BAHCC1: variants seen among roughly 807,000 people sequenced by gnomAD.
BAHCC1 encodes BAH and coiled-coil domain-containing protein 1.
In BAHCC1, 43 loss-of-function variants were observed where a neutral mutation model predicts 88.2. The ratio of observed to expected loss-of-function variants is 0.49; its 90% CI spans 0.38 to 0.63. The LOEUF is 0.63. Ranked by LOEUF, BAHCC1 falls within the 20% of genes least tolerant of loss-of-function variation. BAHCC1 has a pLI of 0.00. For synonymous variants in BAHCC1, 1,510 were observed against 745.5 expected (o/e 2.03, Z -16.71); for missense variants, 3,023 against 1,654.8 (o/e 1.83, Z -14.34).
chr17:81,444,333 G>A (rs782621292), intron 6 of BAHCC1, 48 bp from the exon 7 acceptor site: 4 of 706,390 alleles, frequency 5.7e-6, no homozygotes, highest in Non-Finnish European at 1.0e-5. Flanking sequence ...GTGGGATGGG[G>A]AGCTGGGCCT....
At chr17:81,426,571 C>G (rs2064202813) in intron 2 of BAHCC1, among the ~76,000 whole-genome samples, 1 of 151,772 alleles carries the variant, frequency 6.6e-6, no homozygotes, top group South Asian at 2.1e-4. Flanking sequence ...AGTGTCAGTA[C>G]CAGGACACCT....
Position 81,442,243 on chromosome 17 carries a change from G to A in BAHCC1, c.894G>A (p.Ala298=), listed in dbSNP as rs1351999669. ...KVLNGEMGRA[A]LASCAGGMLG... ...TCAACGGCGAGATGGGCAGGGCTGC[G>A]CTAGCCAGCTGTGCAGGGGGCATGC... is the stretch of plus-strand genomic sequence containing the variant. The change falls in exon 5 of 28, where the codon GCG becomes GCA. Residue 298 remains alanine (A), a synonymous_variant. Coordinates refer to ENST00000675386, the MANE Select transcript of BAHCC1 (RefSeq NM_001377448.1). The A allele has an allele frequency of 1.6e-6, 1 of 631,548 alleles. No individual in the cohort carries two copies. The highest frequency in any genetic ancestry group is 2.8e-5 in the Admixed American group (1 of 35,556). 39.1% of individuals were successfully genotyped at this position (631,548 alleles called of 1,614,324 possible).
At chr17:81,463,550 G>C (rs1555660049) in intron 27 of BAHCC1, 61 bp from the exon 28 acceptor site, 1 of 768,938 alleles carries the variant, frequency 1.3e-6, no homozygotes, top group African/African-American at 1.7e-5. Context: ...GGTCTTTCCT[G>C]GCTGGGCAGG....
At position 81,411,514 on chromosome 17, in the gene BAHCC1, G is replaced by GCCTT. The variant is rs781952131; in HGVS notation, c.178+11654_178+11657dup. The stretch of plus-strand genomic sequence containing the variant: ...TGCCTGCCTGCCTGCCTGCCTGCCT[G>GCCTT]CCTTCCTTCCTTCCTTCCTTCCTTC... On this transcript the variant is annotated intron_variant, in intron 2 of 27. Coordinates refer to ENST00000675386, the MANE Select transcript of BAHCC1 (RefSeq NM_001377448.1). The surrounding 1 kb of genome is among the most constrained non-coding windows in gnomAD (Gnocchi z 6.2). 4,493 of 184,594 alleles carry GCCTT rather than the reference G, an allele frequency of 0.024. 61 individuals carry two copies. The highest frequency in any genetic ancestry group is 0.031 in the Non-Finnish European group (2,819 of 91,952). 11.4% of individuals were successfully genotyped at this position (184,594 alleles called of 1,614,324 possible).
intron 27 of BAHCC1, among the ~76,000 whole-genome samples, chr17:81,463,280 G>A (rs1352767078): frequency 6.6e-6 from 1 of 152,204 alleles, no homozygotes; most frequent in Non-Finnish European, 1.5e-5. Context: ...TCCAGTGCCA[G>A]CCTGAGACAG....
chr17:81,412,943 AGAGT>A (rs2063972776), intron 2 of BAHCC1, among the ~76,000 whole-genome samples: 1 of 151,404 alleles, frequency 6.6e-6, no homozygotes. Flanking sequence ...CTGGAAGGAG[AGAGT>A]GAGAGAGCGC....
In BAHCC1 at chr17:81,461,096, G is replaced by C. The variant is rs1555659131; in HGVS notation, c.6433G>C (p.Ala2145Pro). ...REALFPVHSV[A>P]TPIFGNGFRA... Reference sequence around the variant, plus strand: ...GGCCCTGTTCCCCGTGCACAGCGTGGCCACACCCATATTTGGCAACGGCTT... The same window carrying C: ...GGCCCTGTTCCCCGTGCACAGCGTGCCCACACCCATATTTGGCAACGGCTT... Residue 2145 changes from alanine to proline, a missense_variant, in exon 26 of 28, where the codon GCC becomes CCC. Ala to Pro is a conservative substitution (Grantham distance 27). Coordinates refer to ENST00000675386, the MANE Select transcript of BAHCC1 (RefSeq NM_001377448.1). 2 of 767,944 alleles carry C rather than the reference G, an allele frequency of 2.6e-6. No individual in the cohort carries two copies. Among genetic ancestry groups the C allele is most frequent in the Non-Finnish European group, 4.8e-6 (2 of 416,932 alleles). The allele number at this position is 767,944 out of a possible 1,614,324, so 47.6% of individuals were successfully genotyped here.
intron 2 of BAHCC1, chr17:81,413,294 C>T (rs1295161990): frequency 2.7e-5 from 6 of 220,906 alleles, no homozygotes; most frequent in Non-Finnish European, 5.7e-5. Flanking sequence ...ATGCCCTCGG[C>T]CTCCTTCCCT....
rs1362897325 is a variant in BAHCC1 at position 81,399,273 on chromosome 17, A to G, written c.-206-261A>G. ...GGGACGAGAACGGGAGGCGGCGAGC[A>G]GTGCGGCTGGGTTCCCCCGGCTGCC... On this transcript the variant is annotated intron_variant, in intron 1 of 27. Transcript: ENST00000675386. The surrounding 1 kb of genome is among the most constrained non-coding windows in gnomAD (Gnocchi z 4.5). 5.4e-6 allele frequency: 2 copies of G among 368,434 alleles called. No individual in the cohort carries two copies. Among genetic ancestry groups the G allele is most frequent in the Non-Finnish European group, 1.1e-5 (2 of 181,730 alleles). 22.8% of individuals were successfully genotyped at this position (368,434 alleles called of 1,614,324 possible). A position where few individuals can be genotyped will look rare whatever the true frequency, so the allele number is the denominator to read the frequency against.
rs1555653822 is a variant in BAHCC1, at chr17:81,444,691, C to G, written c.2536C>G (p.Gln846Glu). 1 of 775,440 alleles carries G rather than the reference C, an allele frequency of 1.3e-6. No individual in the cohort carries two copies. The highest frequency in any genetic ancestry group is 2.4e-6 in the Non-Finnish European group (1 of 417,620). 48.0% of individuals were successfully genotyped at this position (775,440 alleles called of 1,614,324 possible). A position where few individuals can be genotyped will look rare whatever the true frequency, so the allele number is the denominator to read the frequency against. Residue 846 changes from glutamine to glutamate, a missense_variant, in exon 8 of 28, where the codon CAG becomes GAG. Gln to Glu is a conservative substitution (Grantham distance 29, BLOSUM62 2). Coordinates refer to ENST00000675386, the MANE Select transcript of BAHCC1 (RefSeq NM_001377448.1). The part of the protein sequence containing the change: ...SYGLGHPALH[Q>E]NLPPGFPASV... ...AGGCCTGGGGCACCCTGCCCTGCAC[C>G]AGAACCTGCCCCCCGGCTTCCCCGC...
At position 81,443,480 on chromosome 17, in the gene BAHCC1, C is replaced by A; in HGVS notation, c.2131C>A (p.Arg711=). The part of the protein sequence containing the change: ...PPVGIAVALA[R]QKDTVSRSEA... Reference sequence around the variant, plus strand: ...TGTGGGCATTGCAGTGGCCTTGGCCCGGCAGAAGGACACAGTGAGCCGGTC... The same window carrying A: ...TGTGGGCATTGCAGTGGCCTTGGCCAGGCAGAAGGACACAGTGAGCCGGTC... Residue 711 remains arginine, a synonymous_variant, in exon 5 of 28, where the codon CGG becomes AGG. Coordinates refer to ENST00000675386, the MANE Select transcript of BAHCC1 (RefSeq NM_001377448.1). 2 of 719,738 alleles carry A rather than the reference C, an allele frequency of 2.8e-6. No homozygotes were observed. Among genetic ancestry groups the A allele is most frequent in the East Asian group, 2.6e-5 (1 of 37,826 alleles). The allele number at this position is 719,738 out of a possible 1,614,324, so 44.6% of individuals were successfully genotyped here. A position where few individuals can be genotyped will look rare whatever the true frequency, so the allele number is the denominator to read the frequency against.
Position 81,452,757 on chromosome 17 carries a change from G to C in BAHCC1, c.4351G>C (p.Gly1451Arg), listed in dbSNP as rs1363026963. Reference protein sequence around the residue: ...DESSRSPARRGPGRPRKRKHS... With the variant: ...DESSRSPARRRPGRPRKRKHS... ...GAGTTCACGGAGCCCTGCACGGCGG[G>C]GGCCTGGCCGGCCGAGGAAGCGCAA... The change falls in exon 14 of 28, where the codon GGG (glycine) becomes CGG (arginine). Residue 1451 changes from glycine (G) to arginine (R), a missense_variant. Coordinates refer to ENST00000675386, the MANE Select transcript of BAHCC1 (RefSeq NM_001377448.1). 4.0e-6 allele frequency: 3 copies of C among 747,280 alleles called. No homozygotes were observed. The highest frequency in any genetic ancestry group is 7.4e-6 in the Non-Finnish European group (3 of 405,584). The allele number at this position is 747,280 out of a possible 1,614,324, so 46.3% of individuals were successfully genotyped here. A position where few individuals can be genotyped will look rare whatever the true frequency, so the allele number is the denominator to read the frequency against.
chr17:81,427,879 G>T (rs962193491), intron 3 of BAHCC1, among the ~76,000 whole-genome samples: 3 of 152,142 alleles, frequency 2.0e-5, no homozygotes, highest in African/African-American at 4.8e-5. Flanking sequence ...CACACACCAC[G>T]CCACCGCCCC....
chr17:81,435,258 G>A lies in BAHCC1; in HGVS notation c.359-3112G>A, dbSNP rs920109603. Among the ~76,000 whole-genome samples the A allele has an allele frequency of 3.3e-5, 5 of 152,138 alleles. No homozygotes were observed. Among genetic ancestry groups the A allele is most frequent in the South Asian group, 2.1e-4 (1 of 4,836 alleles). ...CCATTGTGTCCCCCGCCCAGCCCAC[G>A]CGTGGCCCCCTGGCTTTACTAACCC... On this transcript the variant is annotated intron_variant, in intron 3 of 27. Transcript: ENST00000675386. The surrounding 1 kb of genome is among the most constrained non-coding windows in gnomAD (Gnocchi z 4.4).
At chr17:81,400,977 G>A (rs1454762807) in intron 2 of BAHCC1, 1 of 152,454 alleles carries the variant, frequency 6.6e-6, no homozygotes, top group East Asian at 1.9e-4. Flanking sequence ...TTTGTTTACA[G>A]TTTGTTCTAA....
At chr17:81,416,325 T>A (rs2064024106) in intron 2 of BAHCC1, among the ~76,000 whole-genome samples, 2 of 144,510 alleles carry the variant, frequency 1.4e-5, no homozygotes, top group South Asian at 2.3e-4. Flanking sequence ...TGCGTGTGTG[T>A]CCATGAGGAT....
At position 81,438,793 on chromosome 17, in the gene BAHCC1, G is replaced by A. The variant is rs192382972; in HGVS notation, c.481+301G>A. Among the ~76,000 whole-genome samples the A allele has an allele frequency of 2.4e-3, 359 of 152,266 alleles. 4 individuals carry two copies. Among genetic ancestry groups the A allele is most frequent in the African/African-American group, 7.8e-3 (323 of 41,566 alleles). ...CTTCCTCATCACCCTAGCCCCACCG[G>A]CTTCCTCAGGACCTGGCCTTGCCCT... On this transcript the variant is annotated intron_variant, in intron 4 of 27. Coordinates refer to ENST00000675386, the MANE Select transcript of BAHCC1 (RefSeq NM_001377448.1).
intron 1 of BAHCC1, chr17:81,396,457 C>T (rs113458760): frequency 2.0e-5 from 3 of 151,820 alleles, no homozygotes; most frequent in Non-Finnish European, 4.4e-5. Context: ...GACCCCAGTT[C>T]TCATGACTCT....
intron 26 of BAHCC1, 42 bp from the exon 27 acceptor site, chr17:81,462,697 GC>G (rs781832373): frequency 7.0e-6 from 5 of 717,140 alleles, no homozygotes; most frequent in South Asian, 3.1e-5. Context: ...TGTCCCCACA[GC>G]CCCCCGGCCT....
Sources: allele counts gnomAD v4.1 joint callset (sites outside exome capture counted in the v4.1 genomes callset), GRCh38; gene constraint gnomAD v4.1.1; non-coding constraint Gnocchi (gnomAD v3.1); transcripts MANE v1.5; gene names NCBI Gene and HGNC (gene_info 2026-07-23, HGNC 2026-07-21).